The following TLL1 variants were observed in gnomAD, a reference collection of about 807,000 sequenced individuals.
TLL1 encodes tolloid like 1, also known as tolloid-like protein 1.
In TLL1, 49 loss-of-function variants were observed where a neutral mutation model predicts 128.2. The observed-to-expected ratio is 0.38, with a 90% CI of 0.30 to 0.48. TLL1 has a LOEUF of 0.48. Ranked by LOEUF, TLL1 falls within the 20% of genes least tolerant of loss-of-function variation. TLL1 has a pLI of 0.96. For missense variants in TLL1, 1,123 were observed against 1,242.0 expected, an observed-to-expected ratio of 0.90 and a Z score of 1.44; for synonymous variants, 454 against 418.8, an observed-to-expected ratio of 1.08 and a Z score of -1.03.
Position 165,874,001 on chromosome 4 carries a change from T to TATG in TLL1, c.100_102dup (p.Asp34dup), listed in dbSNP as rs1730609596. On this transcript the variant is annotated inframe_insertion, in exon 1 of 21. Transcript: ENST00000061240. ...GCTATGGGTCTGCGCTGGCCTCGATTATGATTACACTTTTGATGGGAACGA... is the reference window on the plus strand; with the variant it reads ...GCTATGGGTCTGCGCTGGCCTCGATTATGATGATTACACTTTTGATGGGAACGA... 2 of 1,614,032 alleles carry TATG rather than the reference T, an allele frequency of 1.2e-6. No individual in the cohort carries two copies. Among genetic ancestry groups the TATG allele is most frequent in the African/African-American group, 2.7e-5 (2 of 74,930 alleles).
chr4:165,911,331 G>A (rs1047405636), intron 1 of TLL1, among the ~76,000 whole-genome samples: 1 of 152,094 alleles, frequency 6.6e-6, no homozygotes, highest in African/African-American at 2.4e-5. Flanking sequence ...TTAACATAAT[G>A]ATCTCCAGTT....
intron 16 of TLL1, among the ~76,000 whole-genome samples, chr4:166,072,219 A>G (rs1233675448): frequency 6.6e-6 from 1 of 151,988 alleles, no homozygotes; most frequent in Non-Finnish European, 1.5e-5. Flanking sequence ...TTTCATTTTC[A>G]TGCACCCTTG....
At chr4:165,991,231 A>C (rs1271549638) in intron 2 of TLL1, among the ~76,000 whole-genome samples, 1 of 151,994 alleles carries the variant, frequency 6.6e-6, no homozygotes, top group Non-Finnish European at 1.5e-5. Context: ...ATTGGAAGAA[A>C]AATAGTGTTA....
intron 12 of TLL1, among the ~76,000 whole-genome samples, chr4:166,053,592 T>C (rs1319390641): frequency 6.6e-6 from 1 of 152,184 alleles, no homozygotes; most frequent in Non-Finnish European, 1.5e-5. Context: ...TTTGTTTGTC[T>C]TTATACTACC....
chr4:165,914,737 C>G (rs2110878199), intron 1 of TLL1, among the ~76,000 whole-genome samples: 1 of 152,258 alleles, frequency 6.6e-6, no homozygotes, highest in East Asian at 1.9e-4. Flanking sequence ...ACTGAGGACC[C>G]TGAACTTAGG....
At chr4:165,999,105 C>T (rs1223867093) in intron 5 of TLL1, among the ~76,000 whole-genome samples, 1 of 152,120 alleles carries the variant, frequency 6.6e-6, no homozygotes, top group Admixed American at 6.5e-5. Flanking sequence ...CAACAAGTCT[C>T]TAGGAAGTTC....
chr4:166,007,349 T>C (rs1392623449), intron 6 of TLL1, among the ~76,000 whole-genome samples: 3 of 151,770 alleles, frequency 2.0e-5, no homozygotes, highest in Non-Finnish European at 4.4e-5. Flanking sequence ...CTTCTTAATC[T>C]CAAAGGAGAA....
chr4:166,015,726 T>C (rs531627967), intron 8 of TLL1, among the ~76,000 whole-genome samples: 72 of 152,116 alleles, frequency 4.7e-4, no homozygotes, highest in African/African-American at 1.7e-3. Context: ...TCCCAGGAAG[T>C]TCATAATTCT....
intron 8 of TLL1, among the ~76,000 whole-genome samples, chr4:166,024,714 G>A (rs7675062): frequency 0.39 from 59,009 of 151,784 alleles, 13,025 homozygotes; most frequent in African/African-American, 0.61. Flanking sequence ...AGCAATTTCT[G>A]CTTAACCTCA....
rs115481874 is a variant in TLL1 at position 165,921,669 on chromosome 4, C to T, written c.169+47596C>T. On this transcript the variant is annotated intron_variant, in intron 1 of 20. Transcript: ENST00000061240. The stretch of plus-strand genomic sequence containing the variant: ...GATGTCTTATAGTTAGACAAGGTGA[C>T]GTTCTAAGCCACTGGACCAGAAACA... Among the ~76,000 whole-genome samples the T allele has an allele frequency of 6.9e-3, 1,055 of 152,228 alleles. 3 individuals carry two copies. The highest frequency in any genetic ancestry group is 0.012 in the Non-Finnish European group (836 of 68,022).
intron 12 of TLL1, 64 bp from the exon 13 acceptor site, chr4:166,055,012 T>C: frequency 7.3e-7 from 1 of 1,360,800 alleles, no homozygotes. Flanking sequence ...AGAAGACATC[T>C]ATCCTCCTAT....
chr4:165,918,702 C>T lies in TLL1; in HGVS notation c.169+44629C>T, dbSNP rs9985659. Reference sequence around the variant, plus strand: ...ACACGGTGGTTTCTCCCCTCTCCCACGATGCTATCATTTTCATTTCCTCTA... The same window carrying T: ...ACACGGTGGTTTCTCCCCTCTCCCATGATGCTATCATTTTCATTTCCTCTA... On this transcript the variant is annotated intron_variant, in intron 1 of 20. Transcript: ENST00000061240. Among the ~76,000 whole-genome samples the T allele has an allele frequency of 7.3e-3, 1,114 of 152,214 alleles. 23 individuals carry two copies. The highest frequency in any genetic ancestry group is 0.026 in the African/African-American group (1,068 of 41,518).
intron 6 of TLL1, among the ~76,000 whole-genome samples, chr4:166,005,478 TC>T (rs1297781255): frequency 2.0e-5 from 3 of 151,908 alleles, no homozygotes; most frequent in Non-Finnish European, 4.4e-5. Context: ...AAGAGAAAAA[TC>T]AGTGGATTGT....
intron 1 of TLL1, among the ~76,000 whole-genome samples, chr4:165,944,348 T>C (rs1312097090): frequency 6.6e-6 from 1 of 152,140 alleles, no homozygotes; most frequent in Non-Finnish European, 1.5e-5. Context: ...AAAGAAAGAA[T>C]GAGTGGTTAA....
At chr4:165,931,161 G>A (rs1289505442) in intron 1 of TLL1, among the ~76,000 whole-genome samples, 1 of 152,028 alleles carries the variant, frequency 6.6e-6, no homozygotes, top group African/African-American at 2.4e-5. Flanking sequence ...ATAGGTTTAT[G>A]GACACAACAA....
At chr4:166,049,545 AAGTGGCAGC>A (rs1286023461) in intron 12 of TLL1, among the ~76,000 whole-genome samples, 1 of 152,082 alleles carries the variant, frequency 6.6e-6, no homozygotes, top group Non-Finnish European at 1.5e-5. Context: ...GAAAAAAATG[AAGTGGCAGC>A]AGTTAAATCA....
intron 1 of TLL1, among the ~76,000 whole-genome samples, chr4:165,884,492 G>A (rs1040202853): frequency 1.3e-5 from 2 of 152,232 alleles, no homozygotes; most frequent in African/African-American, 2.4e-5. Context: ...ATATTTGGAA[G>A]TAGTCTGTGT....
At chr4:166,075,447 C>A (rs1740979517) in intron 17 of TLL1, among the ~76,000 whole-genome samples, 1 of 152,060 alleles carries the variant, frequency 6.6e-6, no homozygotes, top group African/African-American at 2.4e-5. Context: ...CAAATGCCTA[C>A]CAAAGGGAAG....
chr4:166,001,877 A>G (rs1446756721), intron 5 of TLL1, among the ~76,000 whole-genome samples: 2 of 152,132 alleles, frequency 1.3e-5, no homozygotes, highest in Non-Finnish European at 2.9e-5. Flanking sequence ...ACATTCCTGC[A>G]TGTTTCACAT....
Sources: allele counts gnomAD v4.1 joint callset (sites outside exome capture counted in the v4.1 genomes callset), GRCh38; gene constraint gnomAD v4.1.1; transcripts MANE v1.5; gene names NCBI Gene and HGNC (gene_info 2026-07-23, HGNC 2026-07-21).